Variants in ZNF346 observed in about 807,000 individuals in gnomAD.
The protein encoded by ZNF346 is double-stranded RNA-binding zinc finger protein JAZ.
Under a neutral mutation model 33.7 loss-of-function variants are expected in ZNF346, and 23 were observed. The ratio of observed to expected loss-of-function variants is 0.68; its 90% CI spans 0.49 to 0.97. The LOEUF (loss-of-function observed/expected upper bound fraction) is 0.97. ZNF346 is among the 50% of genes least tolerant of loss of function. ZNF346 has a pLI of 0.00. For synonymous variants in ZNF346, 134 were observed against 142.4 expected (o/e 0.94, Z 0.42); for missense variants, 340 against 371.1 (o/e 0.92, Z 0.69).
At chr5:177,061,000 TACTC>T (rs1782444225) in intron 5 of ZNF346, among the ~76,000 whole-genome samples, 1 of 151,948 alleles carries the variant, frequency 6.6e-6, no homozygotes, top group African/African-American at 2.4e-5. Context: ...TAGTCCCAGT[TACTC>T]AGGAGGCTGA....
intron 5 of ZNF346, among the ~76,000 whole-genome samples, chr5:177,051,177 T>C (rs973142141): frequency 1.4e-5 from 2 of 143,020 alleles, no homozygotes; most frequent in African/African-American, 2.6e-5. Context: ...TTTCTTTTTT[T>C]TTTTTTTTTT....
chr5:177,049,199 A>G (rs1780528182), intron 4 of ZNF346, among the ~76,000 whole-genome samples: 1 of 152,256 alleles, frequency 6.6e-6, no homozygotes, highest in Admixed American at 6.5e-5. Context: ...AAAATCAACA[A>G]GCAGAGAAAC....
At chr5:177,040,180 C>CAAA (rs544181183) in intron 1 of ZNF346, among the ~76,000 whole-genome samples, 1 of 121,762 alleles carries the variant, frequency 8.2e-6, no homozygotes, top group African/African-American at 3.0e-5. Context: ...GACTCCCTCT[C>CAAA]AAAAAAAAAA....
chr5:177,072,267 G>T (rs180872941), downstream of ZNF346, among the ~76,000 whole-genome samples: 90 of 152,340 alleles, frequency 5.9e-4, no homozygotes, highest in Admixed American at 1.3e-3. Context: ...TCCCAAGGCC[G>T]ATTTCCCCTT....
chr5:177,075,425 AT>A (rs1435539423), intron 8 of ZNF346, among the ~76,000 whole-genome samples: 4 of 152,164 alleles, frequency 2.6e-5, no homozygotes, highest in African/African-American at 9.7e-5. Context: ...AAACAAAAAA[AT>A]CTACACTTTT....
At chr5:177,026,464 A>T (rs1293226246) in intron 1 of ZNF346, among the ~76,000 whole-genome samples, 3 of 144,310 alleles carry the variant, frequency 2.1e-5, no homozygotes, top group Non-Finnish European at 4.5e-5. Context: ...GATTTAAGTG[A>T]TTCTCCCGCC....
At chr5:177,061,541 C>T (rs1782552263) in intron 5 of ZNF346, among the ~76,000 whole-genome samples, 1 of 152,234 alleles carries the variant, frequency 6.6e-6, no homozygotes, top group African/African-American at 2.4e-5. Flanking sequence ...TGGCTCCTCC[C>T]TCACTACCAG....
chr5:177,022,725 G>A lies in ZNF346; in HGVS notation c.-14G>A, dbSNP rs1285594943. ...GCCTGAGAGGCTCTCTACCGGTGAG[G>A]GTTTGCGGGGAAGATGGAGTATCCC... On this transcript the variant is annotated 5_prime_UTR_variant, in exon 1 of 7. Coordinates refer to ENST00000358149, the MANE Select transcript of ZNF346 (RefSeq NM_012279.4). 1 of 1,545,060 alleles carries A rather than the reference G, an allele frequency of 6.5e-7. No individual in the cohort carries two copies. The highest frequency in any genetic ancestry group is 8.7e-7 in the Non-Finnish European group (1 of 1,150,772).
intron 1 of ZNF346, among the ~76,000 whole-genome samples, chr5:177,030,209 CAT>C (rs1561966586): frequency 2.0e-5 from 3 of 152,134 alleles, no homozygotes; most frequent in African/African-American, 7.2e-5. Context: ...TTCTTTGATA[CAT>C]GTTATTCAAT....
chr5:177,044,195 G>A (rs1185359454), intron 3 of ZNF346, 194 bp from the exon 4 acceptor site: 2 of 576,662 alleles, frequency 3.5e-6, no homozygotes, highest in Non-Finnish European at 6.0e-6. Context: ...AAGCAAGGAA[G>A]CATCAGAGAA....
In ZNF346 at chr5:177,044,486, C is replaced by T. The variant is rs1252950624; in HGVS notation, c.470C>T (p.Thr157Ile). ...GCCCAGTCGCACTACCTGGGGAAGA[C>T]CCACGCAAAGAACTTAAAGCTGAAG... Reference protein sequence around the residue: ...VVAQSHYLGKTHAKNLKLKQQ... With the variant: ...VVAQSHYLGKIHAKNLKLKQQ... Residue 157 changes from threonine (T) to isoleucine (I), a missense_variant, in exon 4 of 7, where the codon ACC (threonine) becomes ATC (isoleucine). Thr to Ile is a moderately conservative substitution (Grantham distance 89). Coordinates refer to ENST00000358149, the MANE Select transcript of ZNF346 (RefSeq NM_012279.4). The T allele has an allele frequency of 2.6e-5, 42 of 1,613,918 alleles. No homozygotes were observed. The highest frequency in any genetic ancestry group is 3.5e-5 in the Non-Finnish European group (41 of 1,180,024).
At chr5:177,026,017 G>T (rs1776717037) in intron 1 of ZNF346, among the ~76,000 whole-genome samples, 1 of 149,718 alleles carries the variant, frequency 6.7e-6, no homozygotes. Flanking sequence ...TTGAGATGCA[G>T]TCTCACCCTG....
intron 1 of ZNF346, among the ~76,000 whole-genome samples, chr5:177,037,084 G>T (rs1778611544): frequency 6.6e-6 from 1 of 152,190 alleles, no homozygotes; most frequent in African/African-American, 2.4e-5. Context: ...TGCTGAAGTG[G>T]TTGGTTTTGT....
In ZNF346 at chr5:177,067,263, A is replaced by T. The variant is rs1452353300; in HGVS notation, c.*2664A>T. On this transcript the variant is annotated 3_prime_UTR_variant, in exon 7 of 7. Coordinates refer to ENST00000358149, the MANE Select transcript of ZNF346 (RefSeq NM_012279.4). ...GTCTCTAAAAATAATAATTTTTAAAATTTAAAAAAAGAAAGGAATGTTATG... is the reference window on the plus strand; with the variant it reads ...GTCTCTAAAAATAATAATTTTTAAATTTTAAAAAAAGAAAGGAATGTTATG... 6.6e-6 allele frequency among the ~76,000 whole-genome samples: 1 copy of T among 152,146 alleles called. No individual in the cohort carries two copies. Among genetic ancestry groups the T allele is most frequent in the Non-Finnish European group, 1.5e-5 (1 of 68,028 alleles).
At chr5:177,062,209 T>C (rs368658822) in intron 6 of ZNF346, 58 bp downstream of exon 6, 2 of 1,439,438 alleles carry the variant, frequency 1.4e-6, no homozygotes, top group African/African-American at 1.4e-5. Flanking sequence ...GACTTCTGCA[T>C]CAGAACAAAG....
chr5:177,031,074 C>T (rs1422331338), intron 1 of ZNF346, among the ~76,000 whole-genome samples: 5 of 151,730 alleles, frequency 3.3e-5, no homozygotes, highest in Non-Finnish European at 5.9e-5. Context: ...CTCGCTCTGT[C>T]GCCCAGGCTG....
intron 1 of ZNF346, among the ~76,000 whole-genome samples, chr5:177,039,520 G>A (rs371507101): frequency 6.6e-6 from 1 of 151,744 alleles, no homozygotes; most frequent in Non-Finnish European, 1.5e-5. Flanking sequence ...CACTAACATG[G>A]CTTGCCATAG....
chr5:177,047,993 G>C (rs539057958), intron 4 of ZNF346, among the ~76,000 whole-genome samples: 1 of 152,212 alleles, frequency 6.6e-6, no homozygotes, highest in African/African-American at 2.4e-5. Flanking sequence ...ATTTCCCCAT[G>C]TTATTAAAAA....
intron 1 of ZNF346, among the ~76,000 whole-genome samples, chr5:177,033,488 A>G (rs1295861936): frequency 3.9e-5 from 6 of 152,082 alleles, no homozygotes; most frequent in Non-Finnish European, 7.4e-5. Context: ...ACCTTCAGTC[A>G]GTTGACGAAT....
Sources: gnomAD v4.1 joint callset for allele counts (sites outside exome capture counted in the v4.1 genomes callset) on GRCh38, gnomAD v4.1.1 for gene constraint, MANE v1.5 for transcripts, NCBI Gene and HGNC (gene_info 2026-07-23, HGNC 2026-07-21) for gene names.